Variants in SKIC3 observed in about 807,000 individuals in gnomAD.
SKIC3 encodes the protein SKI3 subunit of superkiller complex.
At chr5:95,509,656 T>C in the SKIC3 span, 6 of 1,613,874 alleles carry the variant, frequency 3.7e-6, no homozygotes, top group South Asian at 5.5e-5. Flanking sequence ...AACCCAACAT[T>C]GTGAAAGCTG....
the SKIC3 span, among the ~76,000 whole-genome samples, chr5:95,534,703 C>G: frequency 2.0e-5 from 3 of 152,098 alleles, no homozygotes; most frequent in East Asian, 5.8e-4. Flanking sequence ...TTCACTTACT[C>G]CCTTTCTCTT....
At chr5:95,520,834 T>C in the SKIC3 span, 1 of 1,542,304 alleles carries the variant, frequency 6.5e-7, no homozygotes, top group African/African-American at 1.4e-5. Flanking sequence ...ATCAGGTAAG[T>C]TTGTCACTGT....
chr5:95,476,072 A>T, the SKIC3 span, among the ~76,000 whole-genome samples: 2 of 152,346 alleles, frequency 1.3e-5, no homozygotes, highest in Admixed American at 1.3e-4. Context: ...GGACTATGAC[A>T]GGGAGATATG....
the SKIC3 span, chr5:95,541,746 A>C: frequency 8.6e-7 from 1 of 1,162,132 alleles, no homozygotes; most frequent in Non-Finnish European, 1.3e-6. Flanking sequence ...ATACTTCTAC[A>C]TGATTTTTAA....
the SKIC3 span, among the ~76,000 whole-genome samples, chr5:95,545,032 T>G: frequency 6.6e-6 from 1 of 152,248 alleles, no homozygotes; most frequent in East Asian, 1.9e-4. Flanking sequence ...CAGGCATTTA[T>G]AACTGATTAG....
chr5:95,513,539 T>C, the SKIC3 span: 1 of 1,602,002 alleles, frequency 6.2e-7, no homozygotes, highest in Non-Finnish European at 8.6e-7. Flanking sequence ...TTCTCATTAA[T>C]GAATCCTCAA....
At chr5:95,520,640 C>A in the SKIC3 span, 4 of 1,157,216 alleles carry the variant, frequency 3.5e-6, no homozygotes, top group African/African-American at 1.6e-5. Flanking sequence ...TAGCAGAATA[C>A]ATAAAATGAT....
At chr5:95,551,774 C>T in the SKIC3 span, among the ~76,000 whole-genome samples, 1 of 152,144 alleles carries the variant, frequency 6.6e-6, no homozygotes, top group Admixed American at 6.5e-5. Context: ...AGCCATTAGG[C>T]CTTGGGTACA....
At chr5:95,551,555 G>A in the SKIC3 span, among the ~76,000 whole-genome samples, 1 of 152,144 alleles carries the variant, frequency 6.6e-6, no homozygotes, top group Non-Finnish European at 1.5e-5. Flanking sequence ...AGAAAAAAAA[G>A]TACAAACTTG....
At chr5:95,529,029 A>C in the SKIC3 span, 1 of 1,613,796 alleles carries the variant, frequency 6.2e-7, no homozygotes, top group South Asian at 1.1e-5. Flanking sequence ...CAGCTTCTTT[A>C]GGTCTATGCA....
the SKIC3 span, among the ~76,000 whole-genome samples, chr5:95,499,543 C>T: frequency 1.3e-5 from 2 of 152,078 alleles, no homozygotes; most frequent in Admixed American, 1.3e-4. Context: ...AACTAATACA[C>T]TAAGTTTTAG....
the SKIC3 span, chr5:95,509,705 T>A: frequency 6.4e-7 from 1 of 1,551,062 alleles, no homozygotes; most frequent in Non-Finnish European, 8.9e-7. Context: ...ATGAGAAATA[T>A]CTTCATTTTA....
the SKIC3 span, chr5:95,512,743 G>T: frequency 1.8e-6 from 2 of 1,092,982 alleles, no homozygotes; most frequent in Non-Finnish European, 2.7e-6. Flanking sequence ...TAAGTCAATT[G>T]TTAAAAGTAC....
the SKIC3 span, among the ~76,000 whole-genome samples, chr5:95,539,920 A>G: frequency 1.3e-5 from 2 of 152,088 alleles, no homozygotes; most frequent in Non-Finnish European, 2.9e-5. Context: ...TACCCAGAGG[A>G]AAAGAAGTCA....
chr5:95,522,087 T>C, the SKIC3 span: 1 of 1,613,760 alleles, frequency 6.2e-7, no homozygotes, highest in Non-Finnish European at 8.5e-7. Context: ...TCTTTCTTTT[T>C]AATGATCATC....
chr5:95,502,398 C>G, the SKIC3 span, among the ~76,000 whole-genome samples: 2 of 152,066 alleles, frequency 1.3e-5, no homozygotes, highest in Admixed American at 1.3e-4. Flanking sequence ...ATATAAGTAA[C>G]CACAAATAAC....
the SKIC3 span, chr5:95,490,975 T>C: frequency 1.2e-6 from 2 of 1,614,156 alleles, no homozygotes; most frequent in South Asian, 1.1e-5. Context: ...TGTTGTTCAC[T>C]AAGGCCAGTT....
the SKIC3 span, among the ~76,000 whole-genome samples, chr5:95,538,094 A>G: frequency 6.6e-6 from 1 of 152,104 alleles, no homozygotes; most frequent in Non-Finnish European, 1.5e-5. Flanking sequence ...CCTTTTATCT[A>G]TTACTAACAG....
the SKIC3 span, among the ~76,000 whole-genome samples, chr5:95,535,668 A>T: frequency 1.3e-5 from 2 of 152,052 alleles, no homozygotes; most frequent in African/African-American, 4.8e-5. Flanking sequence ...AGAGGACTTT[A>T]AAGGAGAGTT....
Sources: allele counts gnomAD v4.1 joint callset (sites outside exome capture counted in the v4.1 genomes callset), GRCh38; gene constraint gnomAD v4.1.1; transcripts MANE v1.5; gene names NCBI Gene and HGNC (gene_info 2026-07-23, HGNC 2026-07-21).